CEP70: variants seen among roughly 807,000 people sequenced by gnomAD.
CEP70 encodes the protein centrosomal protein 70, also known as centrosomal protein of 70 kDa.
CEP70 carries 70 observed loss-of-function variants against 90.9 expected under a neutral mutation model. That is an observed-to-expected ratio of 0.77 (90% CI 0.64 to 0.94). CEP70 has a LOEUF of 0.94. CEP70 is among the 40% of genes least tolerant of loss of function. CEP70 has a pLI of 0.00. For synonymous variants in CEP70, 220 were observed against 228.3 expected, an observed-to-expected ratio of 0.96 and a Z score of 0.33; for missense variants, 648 against 669.0, an observed-to-expected ratio of 0.97 and a Z score of 0.35.
chr3:138,505,396 C>A lies in CEP70; in HGVS notation c.1120G>T (p.Gly374Trp), dbSNP rs1377807090. 6.2e-7 allele frequency: 1 copy of A among 1,611,900 alleles called. No individual in the cohort carries two copies. The highest frequency in any genetic ancestry group is 1.3e-5 in the African/African-American group (1 of 74,784). The change falls in exon 13 of 18, where the codon GGG becomes TGG. Residue 374 changes from glycine (G) to tryptophan (W), a missense_variant. Coordinates refer to ENST00000264982, the MANE Select transcript of CEP70 (RefSeq NM_024491.4). ...TCTTTATTAAAATTTTGGACTCCCC[C>A]TTTGGTCTGTTTATAAATTATTACT... ...APVIIYKQTK[G>W]GVQNFNKDLV...
At chr3:138,495,787 G>A (rs982243853) in intron 17 of CEP70, 1 of 673,038 alleles carries the variant, frequency 1.5e-6, no homozygotes, top group Non-Finnish European at 1.8e-6. Flanking sequence ...CAGAGGCAGA[G>A]GTTGCAGTGA....
intron 11 of CEP70, among the ~76,000 whole-genome samples, chr3:138,519,819 T>C (rs971586621): frequency 1.3e-5 from 2 of 152,090 alleles, no homozygotes; most frequent in Non-Finnish European, 2.9e-5. Context: ...CAGGATCAAA[T>C]TCACACATAA....
intron 11 of CEP70, among the ~76,000 whole-genome samples, chr3:138,523,912 G>T (rs1219915678): frequency 6.6e-6 from 1 of 151,758 alleles, no homozygotes; most frequent in Non-Finnish European, 1.5e-5. Context: ...AGCCCGCATT[G>T]CCAAGTCAAT....
At chr3:138,566,156 C>G (rs994751887) in intron 6 of CEP70, among the ~76,000 whole-genome samples, 1 of 152,120 alleles carries the variant, frequency 6.6e-6, no homozygotes, top group Non-Finnish European at 1.5e-5. Flanking sequence ...GAATGGCGAT[C>G]ATTAAAAAGT....
intron 2 of CEP70, among the ~76,000 whole-genome samples, chr3:138,578,306 C>T (rs550269349): frequency 1.3e-5 from 2 of 152,208 alleles, no homozygotes; most frequent in African/African-American, 4.8e-5. Flanking sequence ...TGCATGGTAC[C>T]AGCATCTGTG....
At position 138,537,299 on chromosome 3, in the gene CEP70, T is replaced by C. The variant is rs2038360676; in HGVS notation, c.514A>G (p.Ile172Val). ...CAGACTTCCATTTGCAAAGAAGCAATAGTTTCTTCTTGCTCCGTTCGTTTT... is the reference window on the plus strand; with the variant it reads ...CAGACTTCCATTTGCAAAGAAGCAACAGTTTCTTCTTGCTCCGTTCGTTTT... ...KKKRTEQEET[I>V]ASLQMEVCRL... Residue 172 changes from isoleucine to valine, a missense_variant, in exon 7 of 18, where the codon ATT becomes GTT. Coordinates refer to ENST00000264982, the MANE Select transcript of CEP70 (RefSeq NM_024491.4). The C allele has an allele frequency of 6.2e-7, 1 of 1,606,230 alleles. No individual in the cohort carries two copies. The highest frequency in any genetic ancestry group is 8.5e-7 in the Non-Finnish European group (1 of 1,177,122).
rs751569983 is a variant in CEP70 at position 138,570,452 on chromosome 3, G to A, written c.331C>T (p.Arg111Ter). 51 of 1,608,516 alleles carry A rather than the reference G, an allele frequency of 3.2e-5. 2 individuals carry two copies. The highest frequency in any genetic ancestry group is 2.1e-4 in the South Asian group (19 of 89,772). Residue 111 changes from arginine to a stop codon, truncating the protein, a stop_gained, in exon 6 of 18, where the codon CGA becomes TGA. Coordinates refer to ENST00000264982, the MANE Select transcript of CEP70 (RefSeq NM_024491.4). LOFTEE classifies it high-confidence loss of function. ...ATAATTTGTTCCAAGTCATTAGCTC[G>A]TTGTTCTTGATTGGCTGCTCGGCTT... ...EQSRAANQEQRANDLEQIMES... is the reference protein window; with the variant it reads ...EQSRAANQEQ
chr3:138,567,112 G>T (rs2040846775), intron 6 of CEP70, among the ~76,000 whole-genome samples: 1 of 152,114 alleles, frequency 6.6e-6, no homozygotes, highest in African/African-American at 2.4e-5. Flanking sequence ...GAAAAAAACT[G>T]AATATCAATT....
At chr3:138,582,350 T>G (rs919997220) in intron 2 of CEP70, among the ~76,000 whole-genome samples, 1 of 152,058 alleles carries the variant, frequency 6.6e-6, no homozygotes, top group African/African-American at 2.4e-5. Flanking sequence ...CACATGCCCA[T>G]AGTCCCAGCT....
At chr3:138,523,279 G>A (rs1474315233) in intron 11 of CEP70, among the ~76,000 whole-genome samples, 1 of 152,140 alleles carries the variant, frequency 6.6e-6, no homozygotes, top group Non-Finnish European at 1.5e-5. Flanking sequence ...TACTGAATGG[G>A]CAAAAACTGG....
chr3:138,520,922 C>T (rs564951730), intron 11 of CEP70, among the ~76,000 whole-genome samples: 1 of 152,324 alleles, frequency 6.6e-6, no homozygotes, highest in Admixed American at 6.5e-5. Context: ...GATTCTCCTG[C>T]CTCAGCCTGC....
At position 138,570,545 on chromosome 3, in the gene CEP70, T is replaced by C. The variant is rs1345136426; in HGVS notation, c.285-47A>G. The C allele has an allele frequency of 4.2e-6, 6 of 1,437,668 alleles. No individual in the cohort carries two copies. In the Admixed American group the frequency reaches 6.6e-5, roughly 16 times the overall value. 89.1% of individuals were successfully genotyped at this position (1,437,668 alleles called of 1,614,324 possible). A position where few individuals can be genotyped will look rare whatever the true frequency, so the allele number is the denominator to read the frequency against. Reference sequence around the variant, plus strand: ...TTCTTCCCTTAGTATTAAAAATAAATCGAATTACCAAGCATATCCATATAA... The same window carrying C: ...TTCTTCCCTTAGTATTAAAAATAAACCGAATTACCAAGCATATCCATATAA... On this transcript the variant is annotated intron_variant, in intron 5 of 17. Coordinates refer to ENST00000264982, the MANE Select transcript of CEP70 (RefSeq NM_024491.4).
chr3:138,499,772 A>C (rs933488354), intron 16 of CEP70: 24 of 166,450 alleles, frequency 1.4e-4, no homozygotes, highest in Middle Eastern at 2.9e-3. Context: ...CCTTGTCTCT[A>C]TCTCTCTCTC....
At chr3:138,592,567 T>C (rs2042435281) in intron 1 of CEP70, among the ~76,000 whole-genome samples, 1 of 149,526 alleles carries the variant, frequency 6.7e-6, no homozygotes, top group African/African-American at 2.5e-5. Flanking sequence ...AGTCGGGGGG[T>C]AGGAGTCGGA....
chr3:138,570,078 C>A (rs1418627875), intron 6 of CEP70, among the ~76,000 whole-genome samples: 2 of 151,634 alleles, frequency 1.3e-5, no homozygotes, highest in African/African-American at 4.9e-5. Flanking sequence ...CTGGGGAATT[C>A]CAACACTAAG....
At position 138,500,477 on chromosome 3, in the gene CEP70, G is replaced by T; in HGVS notation, c.1459C>A (p.Pro487Thr). The stretch of plus-strand genomic sequence containing the variant: ...CTAGTATAAACTTCATTCATTCGGG[G>T]ATAGACTCCATTTAAAGAAGGCACA... ...FDVPSLNGVY[P>T]RMNEVYTRLG... Residue 487 changes from proline to threonine, a missense_variant, in exon 15 of 18, where the codon CCC becomes ACC. Physicochemically the swap from Pro to Thr is conservative, Grantham distance 38. Coordinates refer to ENST00000264982, the MANE Select transcript of CEP70 (RefSeq NM_024491.4). 6.2e-7 allele frequency: 1 copy of T among 1,611,714 alleles called. No homozygotes were observed. Among genetic ancestry groups the T allele is most frequent in the Non-Finnish European group, 8.5e-7 (1 of 1,179,422 alleles).
rs376582865 is a variant in CEP70 at position 138,537,942 on chromosome 3, G to A, written c.466-595C>T. ...CAAATCTGAGGATGGGACAATCCCCGGGACCACAAAGAAGTGAAAAAATTT... is the reference window on the plus strand; with the variant it reads ...CAAATCTGAGGATGGGACAATCCCCAGGACCACAAAGAAGTGAAAAAATTT... On this transcript the variant is annotated intron_variant, in intron 6 of 17. Transcript: ENST00000264982. 1.2e-4 allele frequency among the ~76,000 whole-genome samples: 18 copies of A among 152,116 alleles called. No individual in the cohort carries two copies. In the South Asian group the frequency reaches 2.9e-3, roughly 25 times the overall value.
At position 138,551,761 on chromosome 3, in the gene CEP70, A is replaced by T. The variant is rs542965034; in HGVS notation, c.466-14414T>A. ...AACTCCATCTAAAAAAAAAAAAATA[A>T]AATAAAACAAAACCCAAAGTATACA... On this transcript the variant is annotated intron_variant, in intron 6 of 17. Coordinates refer to ENST00000264982, the MANE Select transcript of CEP70 (RefSeq NM_024491.4). Among the ~76,000 whole-genome samples the T allele has an allele frequency of 8.9e-4, 131 of 147,260 alleles. 1 individual carries two copies. Among genetic ancestry groups the T allele is most frequent in the Middle Eastern group, 3.5e-3 (1 of 286 alleles).
At chr3:138,518,871 A>C (rs2036321850) in intron 11 of CEP70, among the ~76,000 whole-genome samples, 1 of 152,176 alleles carries the variant, frequency 6.6e-6, no homozygotes, top group African/African-American at 2.4e-5. Flanking sequence ...ACTTCAGAAG[A>C]TCAAACTACT....
Sources: gnomAD v4.1 joint callset for allele counts (sites outside exome capture counted in the v4.1 genomes callset) on GRCh38, gnomAD v4.1.1 for gene constraint, MANE v1.5 for transcripts, NCBI Gene and HGNC (gene_info 2026-07-23, HGNC 2026-07-21) for gene names.